LMO7: variants seen among roughly 807,000 people sequenced by gnomAD.
LMO7 encodes the protein LIM domain 7, also known as LIM domain only protein 7.
A neutral mutation model predicts 206.5 loss-of-function variants in LMO7; 120 were observed. The ratio of observed to expected loss-of-function variants is 0.58; its 90% CI spans 0.50 to 0.68. The LOEUF is 0.68. Among genes scored for constraint, LMO7 ranks in the 30% least tolerant of loss-of-function variants. The pLI is 0.00. For missense variants in LMO7, 1,959 were observed against 1,957.9 expected, an observed-to-expected ratio of 1.00 and a Z score of -0.01; for synonymous variants, 706 against 681.5, an observed-to-expected ratio of 1.04 and a Z score of -0.56.
intron 4 of LMO7, among the ~76,000 whole-genome samples, chr13:75,772,266 G>A (rs970683217): frequency 1.3e-5 from 2 of 152,078 alleles, no homozygotes; most frequent in Non-Finnish European, 2.9e-5. Flanking sequence ...CCAAAGACAC[G>A]TGAAACTAAT....
chr13:75,836,741 G>C (rs772579806), intron 19 of LMO7, among the ~76,000 whole-genome samples: 5 of 152,206 alleles, frequency 3.3e-5, no homozygotes, highest in Non-Finnish European at 5.9e-5. Context: ...TCCTGAGGCC[G>C]TCAGCTTTCT....
At chr13:75,826,640 C>A (rs1278793981) in intron 15 of LMO7, among the ~76,000 whole-genome samples, 1 of 152,166 alleles carries the variant, frequency 6.6e-6, no homozygotes, top group African/African-American at 2.4e-5. Flanking sequence ...AGGGCAGTAT[C>A]TTAGTTAATC....
chr13:75,842,725 G>A, intron 24 of LMO7, 126 bp from the exon 25 acceptor site: 2 of 627,220 alleles, frequency 3.2e-6, no homozygotes, highest in South Asian at 1.9e-5. Context: ...TGTATGTTTA[G>A]TTTTTAACCC....
intron 3 of LMO7, among the ~76,000 whole-genome samples, chr13:75,729,436 A>G (rs1240399436): frequency 2.2e-4 from 31 of 141,668 alleles, no homozygotes; most frequent in Admixed American, 6.4e-4. Context: ...TTTGTCTGTT[A>G]TTGGTGTATA....
intron 1 of LMO7, among the ~76,000 whole-genome samples, chr13:75,636,956 G>C (rs1208271199): frequency 6.6e-6 from 1 of 152,182 alleles, no homozygotes; most frequent in African/African-American, 2.4e-5. Context: ...CCCCGACGGT[G>C]TCACTGGCTT....
chr13:75,842,448 T>TTC (rs2059626069), intron 24 of LMO7, among the ~76,000 whole-genome samples: 1 of 152,062 alleles, frequency 6.6e-6, no homozygotes, highest in Non-Finnish European at 1.5e-5. Context: ...AATACCTGAT[T>TTC]TAAAATACAG....
At chr13:75,770,608 T>C (rs1234287618) in intron 4 of LMO7, among the ~76,000 whole-genome samples, 1 of 152,110 alleles carries the variant, frequency 6.6e-6, no homozygotes, top group East Asian at 1.9e-4. Flanking sequence ...TGATTGAGTG[T>C]GCAACTCTAA....
intron 2 of LMO7, among the ~76,000 whole-genome samples, chr13:75,714,073 C>T (rs1026790141): frequency 3.3e-5 from 5 of 152,210 alleles, no homozygotes; most frequent in Admixed American, 1.3e-4. Context: ...TTTATGCTAT[C>T]TGTCCACATG....
At chr13:75,785,433 A>G (rs1932951599) in intron 4 of LMO7, among the ~76,000 whole-genome samples, 1 of 152,150 alleles carries the variant, frequency 6.6e-6, no homozygotes, top group Admixed American at 6.5e-5. Flanking sequence ...ACAATACTCA[A>G]CATAATGATT....
At chr13:75,705,045 A>G (rs184564559) in intron 1 of LMO7, among the ~76,000 whole-genome samples, 2 of 152,304 alleles carry the variant, frequency 1.3e-5, no homozygotes, top group African/African-American at 4.8e-5. Context: ...ACAGGTGGTA[A>G]GACAGGTTTG....
intron 3 of LMO7, among the ~76,000 whole-genome samples, chr13:75,744,327 G>A (rs925378800): frequency 3.9e-5 from 6 of 152,154 alleles, no homozygotes; most frequent in Non-Finnish European, 7.4e-5. Flanking sequence ...ATTGGCACAA[G>A]TTTAAGAACA....
intron 4 of LMO7, among the ~76,000 whole-genome samples, chr13:75,784,678 A>C (rs550574334): frequency 2.0e-5 from 3 of 152,318 alleles, no homozygotes; most frequent in African/African-American, 7.2e-5. Context: ...TTCCATGTAC[A>C]TCAGAAAGGA....
At position 75,636,582 on chromosome 13, in the gene LMO7, G is replaced by C; in HGVS notation, c.-76G>C. 1.3e-6 allele frequency: 2 copies of C among 1,539,548 alleles called. No individual in the cohort carries two copies. The highest frequency in any genetic ancestry group is 1.7e-6 in the Non-Finnish European group (2 of 1,146,226). On this transcript the variant is annotated 5_prime_UTR_variant, in exon 1 of 31. Coordinates refer to ENST00000377534, the MANE Select transcript of LMO7 (RefSeq NM_001306080.2). ...GGAGGCCCGCGTGCCCTCCCCGCCCGTGGGGCCCAGACGCGCGGGGACAAC... is the reference window on the plus strand; with the variant it reads ...GGAGGCCCGCGTGCCCTCCCCGCCCCTGGGGCCCAGACGCGCGGGGACAAC...
intron 1 of LMO7, among the ~76,000 whole-genome samples, chr13:75,710,970 C>T (rs915191895): frequency 3.3e-5 from 5 of 152,022 alleles, no homozygotes; most frequent in African/African-American, 9.7e-5. Context: ...TGAGATACGT[C>T]CCATCAATAC....
Position 75,807,599 on chromosome 13 carries a change from C to T in LMO7, c.1316C>T (p.Ser439Phe). The T allele has an allele frequency of 6.2e-7, 1 of 1,614,006 alleles. No individual in the cohort carries two copies. Among genetic ancestry groups the T allele is most frequent in the Non-Finnish European group, 8.5e-7 (1 of 1,179,872 alleles). The change falls in exon 10 of 31, where the codon TCT (serine) becomes TTT (phenylalanine). Residue 439 changes from serine to phenylalanine, a missense_variant. Physicochemically the swap from Ser to Phe is radical, Grantham distance 155. Coordinates refer to ENST00000377534, the MANE Select transcript of LMO7 (RefSeq NM_001306080.2). ...CTCATAACCCGCAGGAAGAATCTCT[C>T]TTATGCACCAGGCTATAGAAGAGAT... ...PRLITRRKNL[S>F]YAPGYRRDDL... is the part of the protein sequence containing the mutation.
intron 4 of LMO7, among the ~76,000 whole-genome samples, chr13:75,772,020 G>A (rs1196869191): frequency 6.6e-6 from 1 of 152,022 alleles, no homozygotes; most frequent in Non-Finnish European, 1.5e-5. Context: ...CTCTTCTCTG[G>A]TTGCAGAAAA....
rs776057984 is a variant in LMO7 at position 75,821,485 on chromosome 13, G to C, written c.2516G>C (p.Arg839Pro). ...CGGAGCACACAAATGGAATCAACTCGTGTTTCAGCTTCTCTCCCCAGAAGT... is the reference window on the plus strand; with the variant it reads ...CGGAGCACACAAATGGAATCAACTCCTGTTTCAGCTTCTCTCCCCAGAAGT... ...RSRSTQMESTRVSASLPRSYR... is the reference protein window; with the variant it reads ...RSRSTQMESTPVSASLPRSYR... Residue 839 changes from arginine to proline, a missense_variant, in exon 14 of 31, where the codon CGT (arginine) becomes CCT (proline). Arg to Pro is a moderately radical substitution (Grantham distance 103). Coordinates refer to ENST00000377534, the MANE Select transcript of LMO7 (RefSeq NM_001306080.2). 1.2e-6 allele frequency: 2 copies of C among 1,614,078 alleles called. No individual in the cohort carries two copies. The highest frequency in any genetic ancestry group is 1.7e-6 in the Non-Finnish European group (2 of 1,179,972).
chr13:75,673,823 A>G (rs1474695720), intron 1 of LMO7, among the ~76,000 whole-genome samples: 4 of 152,266 alleles, frequency 2.6e-5, no homozygotes, highest in Admixed American at 2.6e-4. Flanking sequence ...CAGAAAAATA[A>G]TAGCCACTCA....
intron 7 of LMO7, among the ~76,000 whole-genome samples, chr13:75,802,270 A>G (rs1263520933): frequency 2.6e-5 from 4 of 152,242 alleles, no homozygotes; most frequent in African/African-American, 2.4e-5. Flanking sequence ...ATTAACCTTT[A>G]TAATTACTGC....
Sources: allele counts gnomAD v4.1 joint callset (sites outside exome capture counted in the v4.1 genomes callset), GRCh38; gene constraint gnomAD v4.1.1; transcripts MANE v1.5; gene names NCBI Gene and HGNC (gene_info 2026-07-23, HGNC 2026-07-21).